The following DMD variants were observed in gnomAD, a reference collection of about 807,000 sequenced individuals.
DMD encodes mutant dystrophin.
Under a neutral mutation model 330.1 loss-of-function variants are expected in DMD, and 63 were observed. That is an observed-to-expected ratio of 0.19 (90% CI 0.16 to 0.24). The LOEUF is 0.24. DMD is among the 10% of genes least tolerant of loss of function. The pLI is 1.00. For synonymous variants in DMD, 1,223 were observed against 959.8 expected (o/e 1.27, Z -5.07); for missense variants, 3,344 against 2,684.1 (o/e 1.25, Z -5.43).
chrX:32,842,539 C>CG (rs955763864), intron 4 of DMD, among the ~76,000 whole-genome samples: 7 of 111,437 alleles, frequency 6.3e-5, no homozygotes, highest in South Asian at 3.8e-4. Flanking sequence ...AAGTAAGACC[C>CG]CCCCCATACA....
At chrX:33,116,808 A>T (rs1056642599) in intron 1 of DMD, among the ~76,000 whole-genome samples, 1 of 111,398 alleles carries the variant, frequency 9.0e-6, no homozygotes, top group Non-Finnish European at 1.9e-5. Context: ...ATCAGACTAG[A>T]AAAGCAAGAA....
At chrX:32,869,403 G>A (rs376360736) in intron 2 of DMD, among the ~76,000 whole-genome samples, 53 of 110,818 alleles carry the variant, frequency 4.8e-4, no homozygotes, top group African/African-American at 1.5e-3. Context: ...AGGCTGAGAC[G>A]GCTGAATTGA....
At chrX:32,811,691 A>C (rs544235065) in intron 6 of DMD, among the ~76,000 whole-genome samples, 2 of 112,230 alleles carry the variant, frequency 1.8e-5, no homozygotes, top group African/African-American at 3.2e-5. Flanking sequence ...AGGATTTTAA[A>C]TTTAATGAGC....
chrX:31,436,517 C>T (rs2064542872), intron 60 of DMD, among the ~76,000 whole-genome samples: 1 of 110,362 alleles, frequency 9.1e-6, no homozygotes, highest in Non-Finnish European at 1.9e-5. Context: ...CATTCTTCTC[C>T]TAGGGTGAGA....
chrX:32,562,127 G>C (rs748112922), intron 16 of DMD, among the ~76,000 whole-genome samples: 4 of 111,920 alleles, frequency 3.6e-5, no homozygotes, highest in African/African-American at 1.3e-4. Flanking sequence ...ATGATCATTT[G>C]AGTTTTTAAA....
chrX:33,009,452 A>T (rs796500589), intron 2 of DMD, among the ~76,000 whole-genome samples: 1 of 80,790 alleles, frequency 1.2e-5, no homozygotes, highest in Admixed American at 1.4e-4. Context: ...ATATGTATGT[A>T]TGTGTATACA....
chrX:32,541,962 G>A (rs228362), intron 17 of DMD, among the ~76,000 whole-genome samples: 24,459 of 110,887 alleles, frequency 0.22, 2,121 homozygotes, highest in East Asian at 0.32. Flanking sequence ...TTAATTGGAA[G>A]GAACAAATGT....
chrX:31,949,772 A>T (rs2095135998), intron 45 of DMD, among the ~76,000 whole-genome samples: 1 of 110,564 alleles, frequency 9.0e-6, no homozygotes, highest in African/African-American at 3.3e-5. Context: ...GAATTTTTTC[A>T]TTTAATATGT....
rs2098146062 is a variant in DMD at position 32,412,287 on chromosome X, G to C, written c.4072-374C>G. On this transcript the variant is annotated intron_variant, in intron 29 of 78. Transcript: ENST00000357033. ...CAAGAGATTTGGTTTGCTTAGAATA[G>C]GGTCATCGTCATCACAATCCAATTC... The C allele has an allele frequency of 1.8e-5, 16 of 876,171 alleles. No homozygotes were observed. In the East Asian group the frequency reaches 5.9e-4, roughly 33 times the overall value. The allele number at this position is 876,171 out of a possible 1,213,427, so 72.2% of individuals were successfully genotyped here. A position where few individuals can be genotyped will look rare whatever the true frequency, so the allele number is the denominator to read the frequency against.
At chrX:31,839,742 C>A (rs896878611) in intron 48 of DMD, among the ~76,000 whole-genome samples, 1 of 111,792 alleles carries the variant, frequency 8.9e-6, no homozygotes, top group Non-Finnish European at 1.9e-5. Context: ...CTCCATCTAG[C>A]AATCCAAGAG....
intron 45 of DMD, among the ~76,000 whole-genome samples, chrX:31,959,154 C>T (rs1459299806): frequency 2.7e-5 from 3 of 111,875 alleles, no homozygotes; most frequent in Non-Finnish European, 5.6e-5. Context: ...ACTTGAGTCA[C>T]CCTGCCACTA....
intron 44 of DMD, among the ~76,000 whole-genome samples, chrX:32,010,951 G>A (rs1179059640): frequency 8.9e-6 from 1 of 111,938 alleles, no homozygotes; most frequent in Non-Finnish European, 1.9e-5. Context: ...TGTACATGTT[G>A]GCAATTCAGG....
chrX:32,269,355 A>T (rs2097357013), intron 43 of DMD, among the ~76,000 whole-genome samples: 1 of 111,857 alleles, frequency 8.9e-6, no homozygotes, highest in Non-Finnish European at 1.9e-5. Context: ...TTCAAACAGG[A>T]CACTTAATAT....
At chrX:32,839,843 T>C (rs759361751) in intron 4 of DMD, among the ~76,000 whole-genome samples, 1 of 111,023 alleles carries the variant, frequency 9.0e-6, no homozygotes, top group Admixed American at 9.6e-5. Flanking sequence ...CATGAGTAGC[T>C]GGGACTACAG....
intron 48 of DMD, among the ~76,000 whole-genome samples, chrX:31,867,861 AG>A (rs1454638640): frequency 1.8e-5 from 2 of 109,433 alleles, no homozygotes; most frequent in Non-Finnish European, 3.8e-5. Flanking sequence ...GCATGGCACC[AG>A]GGAAAAAAAA....
chrX:32,334,664 T>TC (rs1223220583), intron 41 of DMD, among the ~76,000 whole-genome samples: 27 of 111,492 alleles, frequency 2.4e-4, no homozygotes, highest in Non-Finnish European at 3.8e-4. Flanking sequence ...GTGATGTTCT[T>TC]CCCATTTTTT....
At chrX:31,154,456 C>CTT (rs373490488) in intron 74 of DMD, among the ~76,000 whole-genome samples, 3,939 of 100,177 alleles carry the variant, frequency 0.039, 153 homozygotes, top group South Asian at 0.14. Flanking sequence ...CCACGCCCGG[C>CTT]TTTTTTTTTT....
At chrX:31,662,297 C>T (rs2081173383) in intron 53 of DMD, among the ~76,000 whole-genome samples, 1 of 111,620 alleles carries the variant, frequency 9.0e-6, no homozygotes. Context: ...TCATCAGCAT[C>T]AGCATCATCA....
intron 16 of DMD, among the ~76,000 whole-genome samples, chrX:32,557,298 G>A (rs1340912872): frequency 9.0e-6 from 1 of 111,619 alleles, no homozygotes; most frequent in Non-Finnish European, 1.9e-5. Context: ...TAAGGGGTGT[G>A]TATTTGTATG....
Sources: gnomAD v4.1 joint callset for allele counts (sites outside exome capture counted in the v4.1 genomes callset) on GRCh38, gnomAD v4.1.1 for gene constraint, MANE v1.5 for transcripts, NCBI Gene and HGNC (gene_info 2026-07-23, HGNC 2026-07-21) for gene names.